The following PTPRM variants were observed in gnomAD, a reference collection of about 807,000 sequenced individuals.
PTPRM encodes protein tyrosine phosphatase receptor type M, also known as receptor-type tyrosine-protein phosphatase mu.
A neutral mutation model predicts 186.7 loss-of-function variants in PTPRM; 47 were observed. The observed-to-expected ratio is 0.25, with a 90% CI of 0.20 to 0.32. The LOEUF is 0.32. Ranked by LOEUF, PTPRM falls within the 10% of genes least tolerant of loss-of-function variation. The probability of loss-of-function intolerance (pLI) is 1.00; values close to 1 mark genes in which losing one functional copy is unlikely to be tolerated. For synonymous variants in PTPRM, 668 were observed against 674.9 expected (o/e 0.99, Z 0.16); for missense variants, 1,494 against 1,865.0 (o/e 0.80, Z 3.66).
At position 8,387,126 on chromosome 18, in the gene PTPRM, T is replaced by C. The variant is rs765114004; in HGVS notation, c.4099T>C (p.Tyr1367His). Residue 1367 changes from tyrosine (Y) to histidine (H), a missense_variant, in exon 31 of 33, where the codon TAC becomes CAC. This residue lies in a region of PTPRM where 1,107 missense variants were observed against 1,350.2 expected (regional missense o/e 0.82). Transcript: ENST00000580170. ...ATTCCAGTTCCTGGGCTGGCCGATGTACAGGGACACACCAGTGTCTAAGCG... is the reference window on the plus strand; with the variant it reads ...ATTCCAGTTCCTGGGCTGGCCGATGCACAGGGACACACCAGTGTCTAAGCG... ...QQFQFLGWPM[Y>H]RDTPVSKRSF... The C allele has an allele frequency of 6.2e-7, 1 of 1,612,320 alleles. No homozygotes were observed. Among genetic ancestry groups the C allele is most frequent in the East Asian group, 2.2e-5 (1 of 44,874 alleles).
chr18:8,340,339 C>T (rs2095467454), intron 22 of PTPRM, among the ~76,000 whole-genome samples: 1 of 152,156 alleles, frequency 6.6e-6, no homozygotes, highest in African/African-American at 2.4e-5. Flanking sequence ...TCTGGATCCA[C>T]ATATCTAATT....
At chr18:7,763,364 CGTAAGAT>C (rs2041869536) in intron 1 of PTPRM, among the ~76,000 whole-genome samples, 3 of 152,130 alleles carry the variant, frequency 2.0e-5, no homozygotes, top group African/African-American at 7.2e-5. Context: ...TTGTTTGGAG[CGTAAGAT>C]TGTTAGGCTT....
chr18:8,379,430 GC>G, intron 28 of PTPRM, 90 bp downstream of exon 28: 1 of 1,304,404 alleles, frequency 7.7e-7, no homozygotes, highest in Admixed American at 2.8e-5. Context: ...CTGCTCACCA[GC>G]CCTTTTGTTT....
intron 2 of PTPRM, among the ~76,000 whole-genome samples, chr18:7,800,946 C>T (rs150762673): frequency 7.8e-4 from 118 of 152,032 alleles, no homozygotes; most frequent in African/African-American, 2.7e-3. Context: ...AAGATAAAAA[C>T]GGCACAGCTG....
At chr18:8,168,353 G>T (rs994747286) in intron 14 of PTPRM, among the ~76,000 whole-genome samples, 4 of 152,114 alleles carry the variant, frequency 2.6e-5, no homozygotes, top group Non-Finnish European at 4.4e-5. Context: ...TAGGAAACTG[G>T]CAGGGCCTTA....
chr18:7,906,362 G>C, intron 3 of PTPRM, 143 bp from the exon 4 acceptor site: 1 of 675,992 alleles, frequency 1.5e-6, no homozygotes, highest in South Asian at 1.9e-5. Flanking sequence ...TCTAGAACCT[G>C]GAACATTGAC....
chr18:7,622,237 G>A (rs947703566), intron 1 of PTPRM, among the ~76,000 whole-genome samples: 2 of 152,060 alleles, frequency 1.3e-5, no homozygotes, highest in African/African-American at 4.8e-5. Context: ...AATACGTAGT[G>A]TATTTGTTCT....
chr18:8,384,410 A>T (rs2095758235), intron 29 of PTPRM, 151 bp from the exon 30 acceptor site: 23 of 840,614 alleles, frequency 2.7e-5, no homozygotes, highest in Non-Finnish European at 3.6e-5. Context: ...GTGAGCCATG[A>T]TCGCACCACT....
chr18:8,394,431 T>C, intron 31 of PTPRM, 45 bp from the exon 32 acceptor site: 6 of 1,579,582 alleles, frequency 3.8e-6, no homozygotes, highest in Non-Finnish European at 5.2e-6. Context: ...CAAGATGCAG[T>C]GTAAAGACAG....
chr18:8,249,514 A>G (rs924085837), intron 17 of PTPRM, among the ~76,000 whole-genome samples: 1 of 152,222 alleles, frequency 6.6e-6, no homozygotes, highest in Non-Finnish European at 1.5e-5. Flanking sequence ...TGTAATCTAC[A>G]TACAAATGAC....
chr18:8,343,394 CA>C (rs1568789311), intron 22 of PTPRM, 28 bp from the exon 23 acceptor site: 2 of 1,599,494 alleles, frequency 1.3e-6, no homozygotes, highest in Admixed American at 3.5e-5. Flanking sequence ...ACAACAAAAA[CA>C]AAAAGTTTCT....
chr18:8,296,593 C>T (rs544829525), intron 20 of PTPRM, 138 bp downstream of exon 20: 14 of 589,944 alleles, frequency 2.4e-5, no homozygotes, highest in Admixed American at 1.7e-4. Flanking sequence ...TGTTAACGCT[C>T]GTACTAAAGA....
chr18:7,647,683 C>T (rs1486890428), intron 1 of PTPRM, among the ~76,000 whole-genome samples: 1 of 152,208 alleles, frequency 6.6e-6, no homozygotes, highest in African/African-American at 2.4e-5. Flanking sequence ...TGGAATCTGG[C>T]ACGTGGTGAT....
intron 19 of PTPRM, among the ~76,000 whole-genome samples, chr18:8,292,543 C>G (rs2095053497): frequency 6.6e-6 from 1 of 152,206 alleles, no homozygotes; most frequent in Admixed American, 6.5e-5. Flanking sequence ...AGTCAGGAGA[C>G]AGTGACATTT....
At chr18:7,873,103 G>A (rs1040891440) in intron 2 of PTPRM, among the ~76,000 whole-genome samples, 92 of 152,066 alleles carry the variant, frequency 6.0e-4, no homozygotes, top group African/African-American at 2.2e-3. Flanking sequence ...TAATTCTTTT[G>A]TTTCCTTGAG....
chr18:7,904,044 T>G lies in PTPRM; in HGVS notation c.469-2461T>G, dbSNP rs555199542. ...TTTTTTTGAAACATGAAATTCTTGA[T>G]TTTTCGTATGAACTAATGAGATAAT... On this transcript the variant is annotated intron_variant, in intron 3 of 32. Transcript: ENST00000580170. Among the ~76,000 whole-genome samples the G allele has an allele frequency of 2.0e-5, 3 of 152,286 alleles. No individual in the cohort carries two copies. In the South Asian group the frequency reaches 6.2e-4, roughly 32 times the overall value.
At chr18:7,694,756 C>A (rs1324981692) in intron 1 of PTPRM, among the ~76,000 whole-genome samples, 2 of 151,998 alleles carry the variant, frequency 1.3e-5, no homozygotes, top group African/African-American at 4.8e-5. Flanking sequence ...TATAAAATAT[C>A]TATAGAAGGA....
chr18:7,975,658 C>T (rs745512698), intron 7 of PTPRM, among the ~76,000 whole-genome samples: 3 of 152,142 alleles, frequency 2.0e-5, no homozygotes, highest in Non-Finnish European at 4.4e-5. Context: ...ATAGCTAATG[C>T]ATTACCTTTT....
At chr18:8,182,381 C>A (rs28549744) in intron 14 of PTPRM, among the ~76,000 whole-genome samples, 1 of 152,154 alleles carries the variant, frequency 6.6e-6, no homozygotes, top group African/African-American at 2.4e-5. Context: ...CTCCTCAAGA[C>A]TCTCGTATAT....
Sources: gnomAD v4.1 joint callset for allele counts (sites outside exome capture counted in the v4.1 genomes callset) on GRCh38, gnomAD v4.1.1 for gene constraint, gnomAD v4.1.1 regional missense constraint, MANE v1.5 for transcripts, NCBI Gene and HGNC (gene_info 2026-07-23, HGNC 2026-07-21) for gene names.